ITPR2: variants seen among roughly 807,000 people sequenced by gnomAD.
ITPR2 encodes the protein inositol 1,4,5-trisphosphate-gated calcium channel ITPR2.
Under a neutral mutation model 317.1 loss-of-function variants are expected in ITPR2, and 207 were observed. That is an observed-to-expected ratio of 0.65 (90% CI 0.58 to 0.73). The LOEUF (loss-of-function observed/expected upper bound fraction) is 0.73. Ranked by LOEUF, ITPR2 falls within the 30% of genes least tolerant of loss-of-function variation. The probability of loss-of-function intolerance (pLI) is 0.00; values close to 1 mark genes in which losing one functional copy is unlikely to be tolerated. For synonymous variants in ITPR2, 1,156 were observed against 1,149.1 expected, an observed-to-expected ratio of 1.01 and a Z score of -0.12; for missense variants, 2,613 against 3,284.0, an observed-to-expected ratio of 0.80 and a Z score of 4.99.
chr12:26,538,475 C>A (rs1218472048), intron 37 of ITPR2, among the ~76,000 whole-genome samples: 1 of 152,182 alleles, frequency 6.6e-6, no homozygotes, highest in African/African-American at 2.4e-5. Context: ...TTATTTAATT[C>A]CCTACTATGT....
intron 37 of ITPR2, among the ~76,000 whole-genome samples, chr12:26,502,699 G>A (rs1943098069): frequency 6.6e-6 from 1 of 152,186 alleles, no homozygotes; most frequent in African/African-American, 2.4e-5. Context: ...AATGGACTCA[G>A]CTTACAGTGC....
rs1204618027 is a variant in ITPR2 at position 26,833,020 on chromosome 12, G to T, written c.-239C>A. ...ACCCCGCGAAGAGCGCAGCCCAGGCGCCCAGAGAAGCCGCAGCCGCCGCCG... is the reference window on the plus strand; with the variant it reads ...ACCCCGCGAAGAGCGCAGCCCAGGCTCCCAGAGAAGCCGCAGCCGCCGCCG... On this transcript the variant is annotated 5_prime_UTR_variant, in exon 1 of 57. Transcript: ENST00000381340. 1.7e-5 allele frequency: 8 copies of T among 480,680 alleles called. No individual in the cohort carries two copies. In the Admixed American group the frequency reaches 3.2e-4, roughly 19 times the overall value. The allele number at this position is 480,680 out of a possible 1,614,324, so 29.8% of individuals were successfully genotyped here.
At chr12:26,356,354 T>C (rs191154181) in intron 55 of ITPR2, among the ~76,000 whole-genome samples, 106 of 152,296 alleles carry the variant, frequency 7.0e-4, no homozygotes, top group Admixed American at 2.2e-3. Context: ...AATGAAGTAA[T>C]GCCAAGTAGG....
At chr12:26,770,054 G>A (rs544328234) in intron 2 of ITPR2, among the ~76,000 whole-genome samples, 2 of 152,262 alleles carry the variant, frequency 1.3e-5, no homozygotes, top group African/African-American at 2.4e-5. Context: ...CATCATTTAG[G>A]AGAGCAACAT....
intron 54 of ITPR2, among the ~76,000 whole-genome samples, chr12:26,395,493 A>G (rs1409538186): frequency 6.6e-6 from 1 of 152,204 alleles, no homozygotes; most frequent in Non-Finnish European, 1.5e-5. Flanking sequence ...ATAGGAGACA[A>G]TATCATGTCT....
chr12:26,556,566 TTG>T (rs1555155168), intron 35 of ITPR2, among the ~76,000 whole-genome samples, 191 bp from the exon 36 acceptor site: 19 of 136,264 alleles, frequency 1.4e-4, no homozygotes, highest in African/African-American at 2.0e-4. Context: ...ATTTTTTTTT[TTG>T]TGTGTGTGTG....
At chr12:26,723,660 T>G (rs1328192637) in intron 4 of ITPR2, among the ~76,000 whole-genome samples, 2 of 152,190 alleles carry the variant, frequency 1.3e-5, no homozygotes, top group Non-Finnish European at 2.9e-5. Context: ...TTGACTGCCC[T>G]GTGTTCTGGC....
chr12:26,670,271 C>G (rs1197061429), intron 13 of ITPR2, among the ~76,000 whole-genome samples: 1 of 152,316 alleles, frequency 6.6e-6, no homozygotes, highest in South Asian at 2.1e-4. Context: ...ACCCCTGACC[C>G]CTGAGCAGCC....
chr12:26,829,178 T>C (rs1951057830), intron 1 of ITPR2, among the ~76,000 whole-genome samples: 1 of 152,188 alleles, frequency 6.6e-6, no homozygotes, highest in Non-Finnish European at 1.5e-5. Flanking sequence ...TGTTCATTAA[T>C]AAGATAATGA....
At chr12:26,344,111 C>A (rs1218863656) in intron 55 of ITPR2, among the ~76,000 whole-genome samples, 1 of 152,078 alleles carries the variant, frequency 6.6e-6, no homozygotes, top group East Asian at 1.9e-4. Flanking sequence ...GATGATGCAG[C>A]AAGAAGGCCC....
chr12:26,684,375 G>A (rs1377414582), intron 11 of ITPR2, among the ~76,000 whole-genome samples: 2 of 152,156 alleles, frequency 1.3e-5, no homozygotes, highest in African/African-American at 4.8e-5. Context: ...TGTGGCCAGG[G>A]CATGGTGAGG....
intron 34 of ITPR2, among the ~76,000 whole-genome samples, chr12:26,576,924 T>C (rs1945292213): frequency 6.6e-6 from 1 of 152,182 alleles, no homozygotes; most frequent in Admixed American, 6.5e-5. Flanking sequence ...CTGTTATGAG[T>C]GGATTAATTA....
chr12:26,711,891 A>G (rs1592061012), intron 8 of ITPR2, among the ~76,000 whole-genome samples: 1 of 152,190 alleles, frequency 6.6e-6, no homozygotes, highest in Non-Finnish European at 1.5e-5. Context: ...GTCAAGGCCT[A>G]AGGTCTAAAC....
At chr12:26,769,663 C>A (rs1463344888) in intron 2 of ITPR2, among the ~76,000 whole-genome samples, 7 of 152,096 alleles carry the variant, frequency 4.6e-5, no homozygotes, top group African/African-American at 1.7e-4. Flanking sequence ...ACACATATTT[C>A]CACATAAAAT....
At chr12:26,401,038 T>C (rs1487025295) in intron 52 of ITPR2, among the ~76,000 whole-genome samples, 3 of 151,254 alleles carry the variant, frequency 2.0e-5, no homozygotes, top group Non-Finnish European at 1.5e-5. Flanking sequence ...GAGACCAGCC[T>C]GGCCAACATG....
At chr12:26,799,881 C>T (rs1277144789) in intron 1 of ITPR2, among the ~76,000 whole-genome samples, 2 of 152,164 alleles carry the variant, frequency 1.3e-5, no homozygotes, top group Admixed American at 6.5e-5. Context: ...GCTGAGCTGA[C>T]CTTAACTACT....
At chr12:26,378,911 G>A (rs943024370) in intron 55 of ITPR2, among the ~76,000 whole-genome samples, 3 of 152,066 alleles carry the variant, frequency 2.0e-5, no homozygotes, top group African/African-American at 7.2e-5. Flanking sequence ...ATTGTCATCT[G>A]ACTTCCTGTC....
At chr12:26,484,468 T>A (rs936413057) in intron 41 of ITPR2, among the ~76,000 whole-genome samples, 1 of 152,158 alleles carries the variant, frequency 6.6e-6, no homozygotes, top group East Asian at 1.9e-4. Flanking sequence ...TTTCTAGATA[T>A]ATGTACATAA....
chr12:26,380,970 G>A (rs553771627), intron 55 of ITPR2, among the ~76,000 whole-genome samples: 2 of 152,246 alleles, frequency 1.3e-5, no homozygotes, highest in South Asian at 4.1e-4. Flanking sequence ...TCTTTTTAAG[G>A]TCTTAACAGA....
Sources: allele counts gnomAD v4.1 joint callset (sites outside exome capture counted in the v4.1 genomes callset), GRCh38; gene constraint gnomAD v4.1.1; transcripts MANE v1.5; gene names NCBI Gene and HGNC (gene_info 2026-07-23, HGNC 2026-07-21).